CDH4: variants seen among roughly 807,000 people sequenced by gnomAD.
CDH4 encodes cadherin-4.
A neutral mutation model predicts 86.0 loss-of-function variants in CDH4; 33 were observed. That is an observed-to-expected ratio of 0.38 (90% confidence interval 0.29 to 0.51). The LOEUF is 0.51. CDH4 is among the 20% of genes least tolerant of loss of function. The pLI is 0.86. For synonymous variants in CDH4, 555 were observed against 549.4 expected (o/e 1.01, Z -0.14); for missense variants, 1,114 against 1,307.4 (o/e 0.85, Z 2.28).
rs554572410 is a variant in CDH4 at position 61,277,518 on chromosome 20, C to A, written c.169+22581C>A. The stretch of plus-strand genomic sequence containing the variant: ...ATCTTCATAATGAAAAGGAGAGGAG[C>A]CTTCTCCCACCTCGTGGAGGGGGTG... On this transcript the variant is annotated intron_variant, in intron 2 of 15. Transcript: ENST00000614565. Among the ~76,000 whole-genome samples the A allele has an allele frequency of 2.0e-5, 3 of 152,254 alleles. No homozygotes were observed. The East Asian group carries it at 5.8e-4, about 29-fold the overall frequency.
At chr20:61,527,180 G>A (rs532352051) in intron 2 of CDH4, among the ~76,000 whole-genome samples, 7 of 152,180 alleles carry the variant, frequency 4.6e-5, no homozygotes, top group South Asian at 2.1e-4. Context: ...AGTAACCAGC[G>A]CCCAGGCGCC....
intron 2 of CDH4, among the ~76,000 whole-genome samples, chr20:61,448,225 C>T (rs367705787): frequency 4.6e-5 from 7 of 152,236 alleles, no homozygotes; most frequent in African/African-American, 7.2e-5. Flanking sequence ...CCAGGAATCA[C>T]GGACAGCTGG....
intron 2 of CDH4, among the ~76,000 whole-genome samples, chr20:61,496,656 T>C (rs188021089): frequency 6.6e-6 from 1 of 152,314 alleles, no homozygotes; most frequent in Non-Finnish European, 1.5e-5. Context: ...TGACAAATGC[T>C]TACATTTGGG....
intron 2 of CDH4, among the ~76,000 whole-genome samples, chr20:61,295,203 C>T (rs937728723): frequency 6.6e-6 from 1 of 152,238 alleles, no homozygotes; most frequent in African/African-American, 2.4e-5. Context: ...TAAAAATGCA[C>T]TTAAAGCACT....
intron 2 of CDH4, among the ~76,000 whole-genome samples, chr20:61,647,099 C>G (rs755325193): frequency 1.5e-4 from 23 of 152,210 alleles, no homozygotes; most frequent in Non-Finnish European, 2.2e-4. Context: ...CCCACCCAGC[C>G]TGTCCTCTCC....
At chr20:61,606,086 C>T (rs1357879281) in intron 2 of CDH4, among the ~76,000 whole-genome samples, 6 of 152,114 alleles carry the variant, frequency 3.9e-5, no homozygotes, top group Non-Finnish European at 8.8e-5. Flanking sequence ...CCAGGGCTGC[C>T]CGTGCAGGTG....
At chr20:61,471,708 T>C (rs2085504796) in intron 2 of CDH4, among the ~76,000 whole-genome samples, 1 of 152,070 alleles carries the variant, frequency 6.6e-6, no homozygotes, top group Non-Finnish European at 1.5e-5. Context: ...CATGTTTTGT[T>C]TCCATTATAA....
At chr20:61,691,450 T>G (rs1468768827) in intron 2 of CDH4, among the ~76,000 whole-genome samples, 1 of 152,038 alleles carries the variant, frequency 6.6e-6, no homozygotes, top group African/African-American at 2.4e-5. Flanking sequence ...TGTCTGTGTG[T>G]ATGTGTGTGC....
At chr20:61,885,217 T>A (rs1026527932) in intron 7 of CDH4, among the ~76,000 whole-genome samples, 1 of 152,206 alleles carries the variant, frequency 6.6e-6, no homozygotes, top group Non-Finnish European at 1.5e-5. Flanking sequence ...CGGGGTTCAG[T>A]GGTCACAAGG....
intron 2 of CDH4, among the ~76,000 whole-genome samples, chr20:61,423,389 G>C (rs1443279015): frequency 6.6e-6 from 1 of 152,104 alleles, no homozygotes; most frequent in African/African-American, 2.4e-5. Flanking sequence ...CCCCCTCATT[G>C]CCAACCCTGA....
At chr20:61,855,466 C>T (rs1180064313) in intron 6 of CDH4, among the ~76,000 whole-genome samples, 3 of 152,134 alleles carry the variant, frequency 2.0e-5, no homozygotes, top group South Asian at 2.1e-4. Flanking sequence ...CACAGGAGCC[C>T]CTCGCAAGGG....
chr20:61,490,857 A>G (rs937923354), intron 2 of CDH4, among the ~76,000 whole-genome samples: 1 of 152,164 alleles, frequency 6.6e-6, no homozygotes, highest in Non-Finnish European at 1.5e-5. Flanking sequence ...CCAAATCCTT[A>G]AAGAAACGTA....
chr20:61,536,577 C>G (rs1196037233), intron 2 of CDH4, among the ~76,000 whole-genome samples: 2 of 152,116 alleles, frequency 1.3e-5, no homozygotes, highest in Non-Finnish European at 2.9e-5. Context: ...CATTGCGAGG[C>G]CACACTAATA....
intron 2 of CDH4, among the ~76,000 whole-genome samples, chr20:61,358,239 C>T (rs2084763640): frequency 6.6e-6 from 1 of 152,164 alleles, no homozygotes; most frequent in African/African-American, 2.4e-5. Context: ...TGCTGTCTGC[C>T]TTCCTCTCCC....
chr20:61,347,985 G>A (rs1156759521), intron 2 of CDH4, among the ~76,000 whole-genome samples: 1 of 152,200 alleles, frequency 6.6e-6, no homozygotes, highest in East Asian at 1.9e-4. Flanking sequence ...ACCCACGTGT[G>A]TATTATCGGG....
rs563934782 is a variant in CDH4, at chr20:61,909,833, A to C, written c.1189-589A>C. Among the ~76,000 whole-genome samples, 5 of 152,290 alleles carry C rather than the reference A, an allele frequency of 3.3e-5. No homozygotes were observed. The South Asian group carries it at 1.0e-3, about 32-fold the overall frequency. On this transcript the variant is annotated intron_variant, in intron 8 of 15. Transcript: ENST00000614565. ...TAGCTCCAAGGATTGAGATGTGGCCATATCTTCGGGGACACCATTCAACCA... is the reference window on the plus strand; with the variant it reads ...TAGCTCCAAGGATTGAGATGTGGCCCTATCTTCGGGGACACCATTCAACCA...
chr20:61,647,456 A>T (rs2087072734), intron 2 of CDH4, among the ~76,000 whole-genome samples: 1 of 152,140 alleles, frequency 6.6e-6, no homozygotes, highest in Admixed American at 6.5e-5. Context: ...ACATGCTTTT[A>T]TGTCTTTGTA....
chr20:61,473,394 C>T (rs1213699929), intron 2 of CDH4, among the ~76,000 whole-genome samples: 1 of 152,156 alleles, frequency 6.6e-6, no homozygotes, highest in Admixed American at 6.5e-5. Flanking sequence ...TGCTGCAGCT[C>T]AGTTGGCTGT....
chr20:61,361,437 C>T (rs2084782618), intron 2 of CDH4, among the ~76,000 whole-genome samples: 3 of 152,118 alleles, frequency 2.0e-5, no homozygotes, highest in Non-Finnish European at 4.4e-5. Context: ...AAATCACTCC[C>T]AGGTGTGATT....
Sources: gnomAD v4.1 joint callset for allele counts (sites outside exome capture counted in the v4.1 genomes callset) on GRCh38, gnomAD v4.1.1 for gene constraint, MANE v1.5 for transcripts, NCBI Gene and HGNC (gene_info 2026-07-23, HGNC 2026-07-21) for gene names.